The following MPPED1 variants were observed in gnomAD, a reference collection of about 807,000 sequenced individuals.
MPPED1 encodes metallophosphoesterase domain-containing protein 1.
Under a neutral mutation model 36.2 loss-of-function variants are expected in MPPED1, and 16 were observed. That is an observed-to-expected ratio of 0.44 (90% CI 0.30 to 0.67). The LOEUF (loss-of-function observed/expected upper bound fraction) is 0.67. Ranked by LOEUF, MPPED1 falls within the 30% of genes least tolerant of loss-of-function variation. The pLI, the probability that MPPED1 is intolerant of heterozygous loss-of-function variation, is 0.10. For missense variants in MPPED1, 307 were observed against 453.4 expected, an observed-to-expected ratio of 0.68 and a Z score of 2.93; for synonymous variants, 199 against 191.3, an observed-to-expected ratio of 1.04 and a Z score of -0.33.
intron 3 of MPPED1, among the ~76,000 whole-genome samples, chr22:43,462,464 T>A (rs1171812505): frequency 6.6e-6 from 1 of 152,216 alleles, no homozygotes; most frequent in Non-Finnish European, 1.5e-5. Flanking sequence ...ACTTTTAGAT[T>A]TCTTATAATG....
Position 43,474,298 on chromosome 22 carries a change from C to T in MPPED1, c.407-438C>T, listed in dbSNP as rs1428249680. Among the ~76,000 whole-genome samples, 2 of 152,208 alleles carry T rather than the reference C, an allele frequency of 1.3e-5. No homozygotes were observed. Among genetic ancestry groups the T allele is most frequent in the Non-Finnish European group, 2.9e-5 (2 of 68,040 alleles). Reference sequence around the variant, plus strand: ...GGATGAGGCCAGGCACTCTGCAGCTCAGCAGCCTGGGAGGAACCTGTCCAG... The same window carrying T: ...GGATGAGGCCAGGCACTCTGCAGCTTAGCAGCCTGGGAGGAACCTGTCCAG... On this transcript the variant is annotated intron_variant, in intron 3 of 6. Coordinates refer to ENST00000443721, the MANE Select transcript of MPPED1 (RefSeq NM_001044370.2). This position sits in a 1 kb window ranked among gnomAD's most constrained non-coding sequence, Gnocchi z 5.2.
rs1297939767 is a variant in MPPED1, at chr22:43,424,903, C to T, written c.-78-5C>T. On this transcript the variant is annotated splice_region_variant and splice_polypyrimidine_tract_variant and intron_variant, in intron 1 of 6. Transcript: ENST00000443721. ...CTGTCGCACGGTTCTGCTCCGTCTCCTCAGTCTGTTTCCAGGTCTGGCGGG... is the reference window on the plus strand; with the variant it reads ...CTGTCGCACGGTTCTGCTCCGTCTCTTCAGTCTGTTTCCAGGTCTGGCGGG... The T allele has an allele frequency of 6.5e-7, 1 of 1,530,882 alleles. No homozygotes were observed. The highest frequency in any genetic ancestry group is 8.8e-7 in the Non-Finnish European group (1 of 1,141,310). The allele number at this position is 1,530,882 out of a possible 1,614,324, so 94.8% of individuals were successfully genotyped here.
Position 43,416,946 on chromosome 22 carries a change from C to T in MPPED1, c.-79+4788C>T, listed in dbSNP as rs924723646. ...GAATTTGAAGACAAGCCCGGCGAGCCGACTGCATTCATAGCTAAAATTAAA... is the reference window on the plus strand; with the variant it reads ...GAATTTGAAGACAAGCCCGGCGAGCTGACTGCATTCATAGCTAAAATTAAA... On this transcript the variant is annotated intron_variant, in intron 1 of 6. Coordinates refer to ENST00000443721, the MANE Select transcript of MPPED1 (RefSeq NM_001044370.2). The T allele has an allele frequency of 2.1e-5, 21 of 983,802 alleles. 1 individual carries two copies. Among genetic ancestry groups the T allele is most frequent in the Middle Eastern group, 5.2e-4 (1 of 1,930 alleles). The allele number at this position is 983,802 out of a possible 1,614,324, so 60.9% of individuals were successfully genotyped here. A position where few individuals can be genotyped will look rare whatever the true frequency, so the allele number is the denominator to read the frequency against.
intron 3 of MPPED1, among the ~76,000 whole-genome samples, chr22:43,446,609 T>G (rs1930356271): frequency 6.6e-6 from 1 of 151,736 alleles, no homozygotes; most frequent in Non-Finnish European, 1.5e-5. Context: ...AGAAACTGAG[T>G]CCAGATGGGG....
intron 3 of MPPED1, among the ~76,000 whole-genome samples, chr22:43,442,625 T>A (rs1386936203): frequency 1.3e-5 from 2 of 152,186 alleles, no homozygotes; most frequent in African/African-American, 4.8e-5. Context: ...GGGCAGTCCA[T>A]CAGGCCTCAT....
At chr22:43,438,862 T>G (rs1930054690) in intron 3 of MPPED1, among the ~76,000 whole-genome samples, 1 of 152,144 alleles carries the variant, frequency 6.6e-6, no homozygotes, top group Non-Finnish European at 1.5e-5. Context: ...GGGAGACCTT[T>G]GCACACCCAC....
chr22:43,412,042 G>T lies in MPPED1; in HGVS notation c.-195G>T. On this transcript the variant is annotated 5_prime_UTR_variant, in exon 1 of 7. Transcript: ENST00000443721. The stretch of plus-strand genomic sequence containing the variant: ...TGCAGCCTCGGACGCGCGGCGAGGC[G>T]GCCGCCGCCGGAGGAGCCCCCGCCC... 4 of 978,932 alleles carry T rather than the reference G, an allele frequency of 4.1e-6. No homozygotes were observed. The highest frequency in any genetic ancestry group is 4.8e-6 in the Non-Finnish European group (4 of 827,364). The allele number at this position is 978,932 out of a possible 1,614,324, so 60.6% of individuals were successfully genotyped here.
chr22:43,480,095 C>T (rs530523839), intron 4 of MPPED1, among the ~76,000 whole-genome samples: 1 of 152,282 alleles, frequency 6.6e-6, no homozygotes, highest in East Asian at 1.9e-4. Context: ...AACTCCTGGG[C>T]TCAAGCAGTC....
chr22:43,431,362 T>C (rs1929680873), intron 2 of MPPED1, among the ~76,000 whole-genome samples: 2 of 152,086 alleles, frequency 1.3e-5, no homozygotes, highest in Non-Finnish European at 2.9e-5. Context: ...ATATTTTGAC[T>C]CTTTTTGCTC....
At chr22:43,463,807 TTTTCTTTCTTTC>T (rs695374) in intron 3 of MPPED1, among the ~76,000 whole-genome samples, 11,447 of 112,644 alleles carry the variant, frequency 0.1, 692 homozygotes, top group African/African-American at 0.13. Context: ...TCATTTTTTC[TTTTCTTTCTTTC>T]TTTCTTTCTT....
intron 1 of MPPED1, chr22:43,417,069 G>A (rs550909376): frequency 1.7e-4 from 156 of 932,460 alleles, no homozygotes; most frequent in African/African-American, 3.9e-4. Context: ...AAAATGAAGC[G>A]GCAGAGACTG....
At chr22:43,435,354 C>A in intron 3 of MPPED1, 139 bp downstream of exon 3, 1 of 869,020 alleles carries the variant, frequency 1.2e-6, no homozygotes, top group Non-Finnish European at 1.7e-6. Flanking sequence ...GGTCACCCTC[C>A]CTGACCTCTC....
intron 5 of MPPED1, among the ~76,000 whole-genome samples, chr22:43,500,293 T>TGGTGGTGATGGG (rs1932666156): frequency 9.3e-6 from 1 of 107,638 alleles, no homozygotes; most frequent in Non-Finnish European, 2.1e-5. Context: ...GTGATGGGGG[T>TGGTGGTGATGGG]GGTGGTGGTG....
chr22:43,503,729 G>T (rs1000164956), intron 6 of MPPED1, among the ~76,000 whole-genome samples: 2 of 152,116 alleles, frequency 1.3e-5, no homozygotes, highest in Non-Finnish European at 2.9e-5. Context: ...GGCAGCTCAC[G>T]TGCTGTGGGA....
At chr22:43,420,034 G>A (rs908300599) in intron 1 of MPPED1, among the ~76,000 whole-genome samples, 3 of 152,102 alleles carry the variant, frequency 2.0e-5, no homozygotes, top group Non-Finnish European at 4.4e-5. Context: ...GCTGGGCTGC[G>A]GGGACCTGGA....
chr22:43,503,348 CT>C (rs922418887), intron 6 of MPPED1, among the ~76,000 whole-genome samples: 1 of 152,144 alleles, frequency 6.6e-6, no homozygotes, highest in Non-Finnish European at 1.5e-5. Context: ...ACAGATGCCT[CT>C]TTTTTTGCCC....
At chr22:43,477,046 GCCCTGCTA>G (rs1264362677) in intron 4 of MPPED1, among the ~76,000 whole-genome samples, 1 of 152,174 alleles carries the variant, frequency 6.6e-6, no homozygotes, top group Admixed American at 6.5e-5. Flanking sequence ...GGGTTCAGGG[GCCCTGCTA>G]CCCTGCTCCA....
At chr22:43,495,353 G>A (rs1237136228) in intron 4 of MPPED1, among the ~76,000 whole-genome samples, 1 of 148,748 alleles carries the variant, frequency 6.7e-6, no homozygotes, top group Middle Eastern at 3.3e-3. Flanking sequence ...GGTGTTGATG[G>A]AGGTGATGGT....
intron 1 of MPPED1, among the ~76,000 whole-genome samples, chr22:43,419,460 G>A (rs1015585458): frequency 1.3e-5 from 2 of 152,176 alleles, no homozygotes; most frequent in Non-Finnish European, 2.9e-5. Flanking sequence ...AATAGCATTC[G>A]TGGAGGCTTC....
Sources: allele counts gnomAD v4.1 joint callset (sites outside exome capture counted in the v4.1 genomes callset), GRCh38; gene constraint gnomAD v4.1.1; non-coding constraint Gnocchi (gnomAD v3.1); transcripts MANE v1.5; gene names NCBI Gene and HGNC (gene_info 2026-07-23, HGNC 2026-07-21).